The following AGAP1 variants were observed in gnomAD, a reference collection of about 807,000 sequenced individuals.
AGAP1 encodes the protein ArfGAP with GTPase domain, ankyrin repeat and PH domain 1, also known as arf-GAP with GTPase, ANK repeat and PH domain-containing protein 1.
A neutral mutation model predicts 105.3 loss-of-function variants in AGAP1; 29 were observed. That is an observed-to-expected ratio of 0.28 (90% CI 0.21 to 0.38). The LOEUF (loss-of-function observed/expected upper bound fraction) is 0.38, where lower values mean the gene tolerates loss of function less well. Ranked by LOEUF, AGAP1 falls within the 10% of genes least tolerant of loss-of-function variation. The pLI, the probability that AGAP1 is intolerant of heterozygous loss-of-function variation, is 1.00. For missense variants in AGAP1, 998 were observed against 1,165.1 expected (o/e 0.86, Z 2.09); for synonymous variants, 509 against 485.9 (o/e 1.05, Z -0.63).
rs1453339278 is a variant in AGAP1 at position 236,121,843 on chromosome 2, G to A, written c.2370+1396G>A. Among the ~76,000 whole-genome samples, 1 of 152,210 alleles carries A rather than the reference G, an allele frequency of 6.6e-6. No individual in the cohort carries two copies. The highest frequency in any genetic ancestry group is 1.5e-5 in the Non-Finnish European group (1 of 68,044). On this transcript the variant is annotated intron_variant, in intron 17 of 17. Transcript: ENST00000304032. The surrounding 1 kb of genome is among the most constrained non-coding windows in gnomAD (Gnocchi z 4.9). The stretch of plus-strand genomic sequence containing the variant: ...GAAGTACAAGATCAAAGGGCCAGCA[G>A]GAATGGTTCCTGGCGAGGCCTCTCT...
At position 235,883,575 on chromosome 2, in the gene AGAP1, G is replaced by A; in HGVS notation, c.1155+126G>A. The A allele has an allele frequency of 5.7e-6, 4 of 704,602 alleles. No homozygotes were observed. Among genetic ancestry groups the A allele is most frequent in the Non-Finnish European group, 7.3e-6 (3 of 413,206 alleles). 43.6% of individuals were successfully genotyped at this position (704,602 alleles called of 1,614,324 possible). On this transcript the variant is annotated intron_variant, in intron 10 of 17. Coordinates refer to ENST00000304032, the MANE Select transcript of AGAP1 (RefSeq NM_001037131.3). This position sits in a 1 kb window ranked among gnomAD's most constrained non-coding sequence, Gnocchi z 4.5. ...AAGTGAAAGTCGTATTTGGTCTCCT[G>A]CTCAACTGTGAGATAAATAACCCTG... is the stretch of plus-strand genomic sequence containing the variant.
intron 1 of AGAP1, among the ~76,000 whole-genome samples, chr2:235,637,551 G>T (rs1947047850): frequency 6.6e-6 from 1 of 151,954 alleles, no homozygotes; most frequent in African/African-American, 2.4e-5. Context: ...TGAGTAGCTG[G>T]GATTACAGGT....
Position 236,056,798 on chromosome 2 carries a change from A to C in AGAP1, c.2114+7517A>C, listed in dbSNP as rs1359950299. On this transcript the variant is annotated intron_variant, in intron 16 of 17. Transcript: ENST00000304032. This position sits in a 1 kb window ranked among gnomAD's most constrained non-coding sequence, Gnocchi z 4.6. ...CCATTCCCAGACGTGTGCCAGGGTC[A>C]CATGGGAGCGCAGGTCAGACTGCAG... is the stretch of plus-strand genomic sequence containing the variant. Among the ~76,000 whole-genome samples, 1 of 152,196 alleles carries C rather than the reference A, an allele frequency of 6.6e-6. No homozygotes were observed. Among genetic ancestry groups the C allele is most frequent in the Non-Finnish European group, 1.5e-5 (1 of 68,040 alleles).
At chr2:236,085,790 T>C (rs941146415) in intron 16 of AGAP1, among the ~76,000 whole-genome samples, 1 of 152,234 alleles carries the variant, frequency 6.6e-6, no homozygotes, top group Non-Finnish European at 1.5e-5. Flanking sequence ...CCTGGCTCCA[T>C]GGGCCGCCTC....
Position 235,635,980 on chromosome 2 carries a change from G to C in AGAP1, c.164-73199G>C, listed in dbSNP as rs531718241. Among the ~76,000 whole-genome samples, 2 of 151,958 alleles carry C rather than the reference G, an allele frequency of 1.3e-5. No homozygotes were observed. The highest frequency in any genetic ancestry group is 3.9e-4 in the East Asian group (2 of 5,150). On this transcript the variant is annotated intron_variant, in intron 1 of 17. Coordinates refer to ENST00000304032, the MANE Select transcript of AGAP1 (RefSeq NM_001037131.3). The surrounding 1 kb of genome is among the most constrained non-coding windows in gnomAD (Gnocchi z 5.3). ...CTACAAAAATGAGCTGGGCATGGGG[G>C]TGCATGCCTGTAATCCCAGCTACTT...
intron 12 of AGAP1, among the ~76,000 whole-genome samples, chr2:235,938,686 T>TG (rs2053106382): frequency 6.6e-6 from 1 of 152,134 alleles, no homozygotes; most frequent in African/African-American, 2.4e-5. Flanking sequence ...AGAGAGGTTC[T>TG]GAATGTCTCA....
At chr2:235,636,810 G>A (rs934505511) in intron 1 of AGAP1, among the ~76,000 whole-genome samples, 14 of 152,188 alleles carry the variant, frequency 9.2e-5, no homozygotes, top group African/African-American at 2.9e-4. Context: ...TGCCAGAGTG[G>A]GGTGGGCCCC....
rs766046824 is a variant in AGAP1, at chr2:236,061,252, G to C, written c.2114+11971G>C. Among the ~76,000 whole-genome samples, 1 of 152,174 alleles carries C rather than the reference G, an allele frequency of 6.6e-6. No individual in the cohort carries two copies. Among genetic ancestry groups the C allele is most frequent in the African/African-American group, 2.4e-5 (1 of 41,442 alleles). ...GTCGTGGCAAGTGTTGGTGAGGAAC[G>C]TGGAGACACTGGTGCAGCCACTTGG... is the stretch of plus-strand genomic sequence containing the variant. On this transcript the variant is annotated intron_variant, in intron 16 of 17. Coordinates refer to ENST00000304032, the MANE Select transcript of AGAP1 (RefSeq NM_001037131.3). The surrounding 1 kb of genome is among the most constrained non-coding windows in gnomAD (Gnocchi z 4.1).
chr2:235,636,652 C>T (rs531562133), intron 1 of AGAP1, among the ~76,000 whole-genome samples: 9 of 152,160 alleles, frequency 5.9e-5, no homozygotes, highest in Non-Finnish European at 1.3e-4. Flanking sequence ...TCCAGGACTC[C>T]GCTGGCCCAG....
chr2:235,980,892 G>A (rs1005824193), intron 13 of AGAP1, among the ~76,000 whole-genome samples: 13 of 152,156 alleles, frequency 8.5e-5, no homozygotes, highest in African/African-American at 3.1e-4. Context: ...TTACCAAAAT[G>A]AGGCATGATG....
rs151332266 is a variant in AGAP1, at chr2:236,119,198, C to G, written c.2115-994C>G. On this transcript the variant is annotated intron_variant, in intron 16 of 17. Coordinates refer to ENST00000304032, the MANE Select transcript of AGAP1 (RefSeq NM_001037131.3). The surrounding 1 kb of genome is among the most constrained non-coding windows in gnomAD (Gnocchi z 6.6). Reference sequence around the variant, plus strand: ...GGCAGGCATCAGCATCATCCACTCTCCACACCTCCGACCCCATCCACCCCC... The same window carrying G: ...GGCAGGCATCAGCATCATCCACTCTGCACACCTCCGACCCCATCCACCCCC... Among the ~76,000 whole-genome samples the G allele has an allele frequency of 2.0e-3, 311 of 152,202 alleles. No individual in the cohort carries two copies. The highest frequency in any genetic ancestry group is 3.7e-3 in the Non-Finnish European group (249 of 68,016).
intron 9 of AGAP1, among the ~76,000 whole-genome samples, chr2:235,835,313 A>C (rs1454566456): frequency 6.6e-6 from 1 of 152,212 alleles, no homozygotes; most frequent in East Asian, 1.9e-4. Context: ...GTCTGGTCTC[A>C]GATAGTCTCC....
intron 2 of AGAP1, among the ~76,000 whole-genome samples, chr2:235,715,423 C>T (rs931243556): frequency 6.6e-6 from 1 of 152,106 alleles, no homozygotes; most frequent in Non-Finnish European, 1.5e-5. Context: ...GAGGGGAAAG[C>T]AGGGAAGCTT....
intron 1 of AGAP1, among the ~76,000 whole-genome samples, chr2:235,536,437 A>ACACACACACACC (rs1943229661): frequency 9.4e-6 from 1 of 106,652 alleles, no homozygotes. Flanking sequence ...ACACACACAC[A>ACACACACACACC]GCAGGACCCT....
intron 16 of AGAP1, among the ~76,000 whole-genome samples, chr2:236,116,367 T>TTTTTTTTTTTTTTTGGG (rs1553578895): frequency 6.6e-6 from 1 of 150,420 alleles, no homozygotes; most frequent in Non-Finnish European, 1.5e-5. Flanking sequence ...CTTTTTTTTT[T>TTTTTTTTTTTTTTTGGG]GAGAGAGAGT....
chr2:235,542,124 C>T (rs2149096829), intron 1 of AGAP1, among the ~76,000 whole-genome samples: 1 of 152,246 alleles, frequency 6.6e-6, no homozygotes, highest in South Asian at 2.1e-4. Context: ...AAGGCTAGAA[C>T]TGTTTGTGTG....
In AGAP1 at chr2:235,930,750, C is replaced by A; in HGVS notation, c.1325-15C>A. On this transcript the variant is annotated splice_polypyrimidine_tract_variant and intron_variant, in intron 11 of 17. Coordinates refer to ENST00000304032, the MANE Select transcript of AGAP1 (RefSeq NM_001037131.3). This position sits in a 1 kb window ranked among gnomAD's most constrained non-coding sequence, Gnocchi z 7.9. ...GCAGTCCGCGGTGGTGTTCACCTGACTTGTTTATTCCTAGGGAATGTCACT... is the reference window on the plus strand; with the variant it reads ...GCAGTCCGCGGTGGTGTTCACCTGAATTGTTTATTCCTAGGGAATGTCACT... 6.2e-7 allele frequency: 1 copy of A among 1,612,284 alleles called. No individual in the cohort carries two copies. Among genetic ancestry groups the A allele is most frequent in the South Asian group, 1.1e-5 (1 of 90,842 alleles).
intron 13 of AGAP1, among the ~76,000 whole-genome samples, chr2:236,026,182 G>A (rs1016198426): frequency 6.6e-6 from 1 of 152,208 alleles, no homozygotes; most frequent in Non-Finnish European, 1.5e-5. Context: ...GCACTCTATG[G>A]ACACAACTCA....
intron 12 of AGAP1, among the ~76,000 whole-genome samples, chr2:235,954,075 A>G (rs987642357): frequency 1.3e-5 from 2 of 151,822 alleles, no homozygotes; most frequent in Non-Finnish European, 2.9e-5. Context: ...TCTATTCTCT[A>G]CTAAAAATAC....
Sources: allele counts gnomAD v4.1 joint callset (sites outside exome capture counted in the v4.1 genomes callset), GRCh38; gene constraint gnomAD v4.1.1; non-coding constraint Gnocchi (gnomAD v3.1); transcripts MANE v1.5; gene names NCBI Gene and HGNC (gene_info 2026-07-23, HGNC 2026-07-21).